Variants in RUNX1 observed in about 807,000 individuals in gnomAD.
RUNX1 encodes the protein runt-related transcription factor 1.
Under a neutral mutation model 42.8 loss-of-function variants are expected in RUNX1, and 19 were observed. The ratio of observed to expected loss-of-function variants is 0.44; its 90% CI spans 0.31 to 0.65. The LOEUF (loss-of-function observed/expected upper bound fraction) is 0.65. RUNX1 is among the 30% of genes least tolerant of loss of function. The pLI is 0.07. For missense variants in RUNX1, 528 were observed against 672.0 expected (o/e 0.79, Z 2.37); for synonymous variants, 271 against 289.4 (o/e 0.94, Z 0.64).
intron 7 of RUNX1, among the ~76,000 whole-genome samples, chr21:34,807,393 T>C (rs575572167): frequency 1.3e-5 from 2 of 152,164 alleles, no homozygotes; most frequent in Non-Finnish European, 2.9e-5. Context: ...GCCCCTTCCT[T>C]GATTGTGTGG....
intron 2 of RUNX1, among the ~76,000 whole-genome samples, chr21:34,984,650 A>C (rs1236563296): frequency 6.6e-6 from 1 of 152,192 alleles, no homozygotes; most frequent in Non-Finnish European, 1.5e-5. Flanking sequence ...GTGGAGAGAG[A>C]CCAGGAGTGG....
chr21:34,789,245 T>C lies in RUNX1; in HGVS notation c.*2890A>G. The C allele has an allele frequency of 4.3e-6, 1 of 232,914 alleles. No individual in the cohort carries two copies. The highest frequency in any genetic ancestry group is 2.2e-5 in the African/African-American group (1 of 45,182). 14.4% of individuals were successfully genotyped at this position (232,914 alleles called of 1,614,324 possible). ...AAATTTGGTACTGGGTGGGGGTATGTGCTATCTGCTTAAGAGAACACAGGA... is the reference window on the plus strand; with the variant it reads ...AAATTTGGTACTGGGTGGGGGTATGCGCTATCTGCTTAAGAGAACACAGGA... On this transcript the variant is annotated 3_prime_UTR_variant, in exon 9 of 9. Coordinates refer to ENST00000675419, the MANE Select transcript of RUNX1 (RefSeq NM_001754.5).
In RUNX1 at chr21:34,907,711, A is replaced by C. The variant is rs577903625; in HGVS notation, c.59-14748T>G. The stretch of plus-strand genomic sequence containing the variant: ...AAAACCAATTAAATCATAACTGCCG[A>C]AGTGCCTTGTCAAGCTAAACAGTCA... On this transcript the variant is annotated intron_variant, in intron 2 of 8. Coordinates refer to ENST00000675419, the MANE Select transcript of RUNX1 (RefSeq NM_001754.5). This position sits in a 1 kb window ranked among gnomAD's most constrained non-coding sequence, Gnocchi z 5.3. Among the ~76,000 whole-genome samples, 2 of 152,304 alleles carry C rather than the reference A, an allele frequency of 1.3e-5. No individual in the cohort carries two copies. The highest frequency in any genetic ancestry group is 4.8e-5 in the African/African-American group (2 of 41,576).
chr21:34,823,342 AC>A (rs1220233005), intron 7 of RUNX1, among the ~76,000 whole-genome samples: 2 of 151,550 alleles, frequency 1.3e-5, no homozygotes, highest in Non-Finnish European at 2.9e-5. Flanking sequence ...ATGTTGACTT[AC>A]GGAGGCTAAG....
chr21:34,814,707 A>G (rs1016953651), intron 7 of RUNX1, among the ~76,000 whole-genome samples: 1 of 152,116 alleles, frequency 6.6e-6, no homozygotes, highest in African/African-American at 2.4e-5. Flanking sequence ...CGAAAGACTA[A>G]AAGCACCGTT....
chr21:34,821,003 A>T (rs749932625), intron 7 of RUNX1, among the ~76,000 whole-genome samples: 35 of 152,222 alleles, frequency 2.3e-4, no homozygotes, highest in Non-Finnish European at 4.4e-4. Context: ...TTGAGCAAAG[A>T]AGTTTAAGGT....
chr21:35,006,474 A>G (rs7282987), intron 2 of RUNX1, among the ~76,000 whole-genome samples: 2,478 of 152,220 alleles, frequency 0.016, 67 homozygotes, highest in African/African-American at 0.057. Context: ...AACTACCCAC[A>G]TGGCTCAGAG....
intron 2 of RUNX1, among the ~76,000 whole-genome samples, chr21:34,928,522 C>T (rs958738738): frequency 1.3e-5 from 2 of 151,906 alleles, no homozygotes; most frequent in African/African-American, 2.4e-5. Context: ...GGTGAAACCC[C>T]GCCTCTACTA....
At chr21:34,853,707 TAAC>T (rs574490322) in intron 6 of RUNX1, among the ~76,000 whole-genome samples, 355 of 152,246 alleles carry the variant, frequency 2.3e-3, no homozygotes, top group African/African-American at 8.0e-3. Flanking sequence ...TAAGAGAAAA[TAAC>T]AATGTGAACT....
chr21:34,834,621 GGGGAGGGGATGGGGGGAGGGAAGGA>G lies in RUNX1; in HGVS notation c.614-45_614-21del. 6.3e-7 allele frequency: 1 copy of G among 1,582,086 alleles called. No homozygotes were observed. The highest frequency in any genetic ancestry group is 8.7e-7 in the Non-Finnish European group (1 of 1,154,056). On this transcript the variant is annotated intron_variant, in intron 6 of 8. Coordinates refer to ENST00000675419, the MANE Select transcript of RUNX1 (RefSeq NM_001754.5). ...GATGTCCTATTGTGGGGAGCAGGGA[GGGGAGGGGATGGGGGGAGGGAAGGA>G]GGGAGGGAAGAGATCAGAAAAAGTA...
chr21:34,839,393 TCAA>T (rs1387489784), intron 6 of RUNX1, among the ~76,000 whole-genome samples: 1 of 150,386 alleles, frequency 6.6e-6, no homozygotes, highest in Non-Finnish European at 1.5e-5. Context: ...GCCTAGAAAT[TCAA>T]CACCCACCGA....
intron 2 of RUNX1, among the ~76,000 whole-genome samples, chr21:34,924,696 C>A (rs2058380094): frequency 6.6e-6 from 1 of 152,168 alleles, no homozygotes; most frequent in Non-Finnish European, 1.5e-5. Flanking sequence ...AATTTTATCT[C>A]TTTCCTGAAA....
chr21:34,948,973 C>T (rs1460544011), intron 2 of RUNX1, among the ~76,000 whole-genome samples: 1 of 152,080 alleles, frequency 6.6e-6, no homozygotes, highest in Non-Finnish European at 1.5e-5. Flanking sequence ...CCAGGCTGGT[C>T]TTGAACTCCT....
Position 34,792,256 on chromosome 21 carries a change from A to G in RUNX1, c.1322T>C (p.Leu441Pro), listed in dbSNP as rs777551786. 10 of 1,537,454 alleles carry G rather than the reference A, an allele frequency of 6.5e-6. No individual in the cohort carries two copies. In the South Asian group the frequency reaches 9.5e-5, roughly 15 times the overall value. The change falls in exon 9 of 9, where the codon CTG (leucine) becomes CCG (proline). Residue 441 changes from leucine to proline, a missense_variant. Around this residue, in one of 3 missense-constraint regions of RUNX1, gnomAD observed 331 missense variants for 382.5 expected, o/e 0.87. Coordinates refer to ENST00000675419, the MANE Select transcript of RUNX1 (RefSeq NM_001754.5). This position sits in a 1 kb window ranked among gnomAD's most constrained non-coding sequence, Gnocchi z 6.9. The part of the protein sequence containing the change: ...PCTNASTGSA[L>P]LNPSLPNQSD... ...CTGGTTCGGGAGGCTGGGGTTGAGCAGCGCGGAGCCGGTGGAGGCGTTGGT... is the reference window on the plus strand; with the variant it reads ...CTGGTTCGGGAGGCTGGGGTTGAGCGGCGCGGAGCCGGTGGAGGCGTTGGT...
At chr21:34,846,215 T>TTTTTTTC (rs1385178245) in intron 6 of RUNX1, among the ~76,000 whole-genome samples, 122 of 130,254 alleles carry the variant, frequency 9.4e-4, no homozygotes, top group African/African-American at 3.1e-3. Context: ...TTTTTTTTTT[T>TTTTTTTC]CAAATGTTGC....
intron 2 of RUNX1, among the ~76,000 whole-genome samples, chr21:34,910,566 T>C (rs937749645): frequency 6.6e-6 from 1 of 152,112 alleles, no homozygotes; most frequent in African/African-American, 2.4e-5. Flanking sequence ...AAAGCCTCGC[T>C]CTTCCCCAGT....
intron 2 of RUNX1, among the ~76,000 whole-genome samples, chr21:34,985,397 TG>T (rs2058878020): frequency 6.6e-6 from 1 of 152,276 alleles, no homozygotes; most frequent in Middle Eastern, 3.4e-3. Context: ...CAGAGGTGTC[TG>T]GGGTCACCAT....
intron 2 of RUNX1, among the ~76,000 whole-genome samples, chr21:34,957,087 G>A (rs975528569): frequency 1.3e-5 from 2 of 152,156 alleles, no homozygotes. Flanking sequence ...AGCTGGCCAC[G>A]AAGCCTCTGA....
intron 2 of RUNX1, among the ~76,000 whole-genome samples, chr21:34,989,562 T>C (rs146056255): frequency 2.6e-4 from 39 of 152,210 alleles, no homozygotes; most frequent in African/African-American, 9.1e-4. Flanking sequence ...GATGTGTCCC[T>C]GATTAAAGCA....
Sources: allele counts gnomAD v4.1 joint callset (sites outside exome capture counted in the v4.1 genomes callset), GRCh38; gene constraint gnomAD v4.1.1; regional missense constraint gnomAD v4.1.1; non-coding constraint Gnocchi (gnomAD v3.1); transcripts MANE v1.5; gene names NCBI Gene and HGNC (gene_info 2026-07-23, HGNC 2026-07-21).